Variants in FAN1 observed in about 807,000 individuals in gnomAD.
The protein encoded by FAN1 is fanconi-associated nuclease 1.
FAN1 carries 91 observed loss-of-function variants against 104.9 expected under a neutral mutation model. That is an observed-to-expected ratio of 0.87 (90% confidence interval 0.73 to 1.03). The LOEUF is 1.03. Ranked by LOEUF, FAN1 falls within the 50% of genes least tolerant of loss-of-function variation. The pLI is 0.00. For missense variants in FAN1, 1,263 were observed against 1,239.9 expected (o/e 1.02, Z -0.28); for synonymous variants, 478 against 457.6 (o/e 1.04, Z -0.57).
At chr15:30,922,477 C>T (rs2062357688) in intron 8 of FAN1, 123 bp downstream of exon 8, 2 of 1,018,024 alleles carry the variant, frequency 2.0e-6, no homozygotes, top group African/African-American at 1.6e-5. Context: ...TGTTAACATT[C>T]TTCTTTTGTC....
chr15:30,911,300 T>C (rs1024149451), intron 4 of FAN1: 26 of 985,868 alleles, frequency 2.6e-5, no homozygotes, highest in Admixed American at 6.1e-5. Flanking sequence ...ACAAAAACTT[T>C]TAGAATTGAT....
intron 11 of FAN1, 73 bp from the exon 12 acceptor site, chr15:30,929,130 G>A: frequency 7.4e-7 from 1 of 1,349,490 alleles, no homozygotes; most frequent in Non-Finnish European, 1.0e-6. Flanking sequence ...AGTTTTGTAT[G>A]TACTGACTAG....
chr15:30,917,423 T>C (rs17227884), intron 5 of FAN1, among the ~76,000 whole-genome samples: 3,716 of 152,314 alleles, frequency 0.024, 70 homozygotes, highest in Non-Finnish European at 0.037. Flanking sequence ...CAGCATATTA[T>C]AAAAGAATGA....
chr15:30,936,432 C>G (rs1008961538), intron 13 of FAN1, among the ~76,000 whole-genome samples: 3 of 152,136 alleles, frequency 2.0e-5, no homozygotes, highest in Non-Finnish European at 4.4e-5. Flanking sequence ...GAAAATGTAA[C>G]AGAGTAATCG....
At chr15:30,931,001 T>C (rs1418820134) in intron 13 of FAN1, among the ~76,000 whole-genome samples, 1 of 152,198 alleles carries the variant, frequency 6.6e-6, no homozygotes, top group Non-Finnish European at 1.5e-5. Context: ...ACAACGGGTG[T>C]GGACACCAGG....
At chr15:30,937,544 T>TAGGTTC (rs548515563) in intron 14 of FAN1, among the ~76,000 whole-genome samples, 1,506 of 147,516 alleles carry the variant, frequency 0.01, 23 homozygotes, top group Admixed American at 0.011. Context: ...CTCCGCCTGC[T>TAGGTTC]AGGTTCAAGT....
Position 30,905,333 on chromosome 15 carries a change from G to A in FAN1, c.670G>A (p.Glu224Lys), listed in dbSNP as rs1485297075. ...GTTTAAATGTGATTCTCTAAAGGAAGAGTGCATTCCTGAACATATGGTAAG... is the reference window on the plus strand; with the variant it reads ...GTTTAAATGTGATTCTCTAAAGGAAAAGTGCATTCCTGAACATATGGTAAG... Reference protein sequence around the residue: ...NVFKCDSLKEECIPEHMVRGS... With the variant: ...NVFKCDSLKEKCIPEHMVRGS... The change falls in exon 2 of 15, where the codon GAG (glutamate) becomes AAG (lysine). Residue 224 changes from glutamate (E) to lysine (K), a missense_variant. Transcript: ENST00000362065. 6.2e-7 allele frequency: 1 copy of A among 1,613,824 alleles called. No homozygotes were observed. The highest frequency in any genetic ancestry group is 8.5e-7 in the Non-Finnish European group (1 of 1,179,786).
intron 14 of FAN1, among the ~76,000 whole-genome samples, chr15:30,938,140 C>T (rs928691331): frequency 3.3e-5 from 5 of 151,546 alleles, no homozygotes; most frequent in Non-Finnish European, 4.4e-5. Flanking sequence ...GCCGAGATTG[C>T]ACCACTGCAC....
intron 4 of FAN1, among the ~76,000 whole-genome samples, chr15:30,913,516 T>TA (rs1566914969): frequency 6.6e-6 from 1 of 152,198 alleles, no homozygotes; most frequent in African/African-American, 2.4e-5. Flanking sequence ...ATCACTAGAA[T>TA]AAAAAATTGA....
chr15:30,941,981 A>C lies in FAN1; in HGVS notation c.*419A>C. On this transcript the variant is annotated 3_prime_UTR_variant, in exon 15 of 15. Coordinates refer to ENST00000362065, the MANE Select transcript of FAN1 (RefSeq NM_014967.5). ...TGGATCTGGCTTTGGTTTTAATATC[A>C]ATGAATTTCTCCTTGGAAGTAATTC... 6.2e-7 allele frequency: 1 copy of C among 1,613,884 alleles called. No individual in the cohort carries two copies. The highest frequency in any genetic ancestry group is 1.1e-5 in the South Asian group (1 of 91,078).
chr15:30,929,141 TC>T, intron 11 of FAN1, 61 bp from the exon 12 acceptor site: 2 of 1,458,486 alleles, frequency 1.4e-6, no homozygotes, highest in Non-Finnish European at 1.9e-6. Context: ...TACTGACTAG[TC>T]CTCTGGTGAA....
Position 30,905,015 on chromosome 15 carries a change from A to T in FAN1, c.352A>T (p.Lys118Ter), listed in dbSNP as rs1209365844. ...AACCCCTGGCCAAAGTGATTCAGCA[A>T]AAAGGGAAGTAAAGCAGAAGATCAG... ...NLTPGQSDSAKREVKQKISPY... is the reference protein window; with the variant it reads ...NLTPGQSDSA The change falls in exon 2 of 15, where the codon AAA becomes TAA. Residue 118 changes from lysine (K) to a stop codon, truncating the protein, a stop_gained. Coordinates refer to ENST00000362065, the MANE Select transcript of FAN1 (RefSeq NM_014967.5). LOFTEE classifies it high-confidence loss of function. The T allele has an allele frequency of 1.4e-5, 22 of 1,614,096 alleles. No homozygotes were observed. Among genetic ancestry groups the T allele is most frequent in the Non-Finnish European group, 1.9e-5 (22 of 1,180,028 alleles).
At chr15:30,909,067 G>A (rs1346141983) in intron 3 of FAN1, among the ~76,000 whole-genome samples, 1 of 152,134 alleles carries the variant, frequency 6.6e-6, no homozygotes, top group Admixed American at 6.5e-5. Context: ...ACTAAGGAGA[G>A]TCTATCTTCT....
At chr15:30,935,019 T>C (rs2062814050) in intron 13 of FAN1, among the ~76,000 whole-genome samples, 1 of 137,628 alleles carries the variant, frequency 7.3e-6, no homozygotes, top group Non-Finnish European at 1.6e-5. Flanking sequence ...AGTCTCATTC[T>C]CCTGCTTGAA....
In FAN1 at chr15:30,929,747, TATATA is replaced by T. The variant is rs1219084323; in HGVS notation, c.2787+361_2787+365del. On this transcript the variant is annotated intron_variant, in intron 12 of 14. Transcript: ENST00000362065. Reference sequence around the variant, plus strand: ...ATAAAATATATAATATATTATATCATATATAATATAATATATAAAATATATAATAT... The same window carrying T: ...ATAAAATATATAATATATTATATCATATATAATATATAAAATATATAATAT... Among the ~76,000 whole-genome samples the T allele has an allele frequency of 7.6e-4, 38 of 50,056 alleles. 1 individual carries two copies. The highest frequency in any genetic ancestry group is 1.9e-3 in the South Asian group (3 of 1,590). 32.8% of individuals were successfully genotyped at this position (50,056 alleles called of 152,430 possible).
rs544740828 is a variant in FAN1, at chr15:30,905,068, G to T, written c.405G>T (p.Val135=). ...CCTACTTTAAAAGTAATGATGTGGT[G>T]TGCAAAAATCAAGATGAGCTGAGAA... is the stretch of plus-strand genomic sequence containing the variant. ...ISPYFKSNDV[V]CKNQDELRNR... is the part of the protein sequence containing the mutation. Residue 135 remains valine (V), a synonymous_variant, in exon 2 of 15, where the codon GTG becomes GTT. Transcript: ENST00000362065. The T allele has an allele frequency of 6.2e-7, 1 of 1,614,058 alleles. No individual in the cohort carries two copies. The highest frequency in any genetic ancestry group is 1.3e-5 in the African/African-American group (1 of 75,054).
At chr15:30,909,855 G>T (rs544189981) in intron 3 of FAN1, among the ~76,000 whole-genome samples, 1 of 152,310 alleles carries the variant, frequency 6.6e-6, no homozygotes, top group Admixed American at 6.5e-5. Context: ...CCTGACTACT[G>T]TGTGAAATAC....
Position 30,925,849 on chromosome 15 carries a change from G to A in FAN1, c.2398G>A (p.Glu800Lys), listed in dbSNP as rs1361624162. Residue 800 changes from glutamate to lysine, a missense_variant, in exon 10 of 15, where the codon GAG becomes AAG. Transcript: ENST00000362065. The stretch of plus-strand genomic sequence containing the variant: ...GATGTGCAAGTCTGTGTTTGTGATG[G>A]AGGCCGGGGAGGCCGCTGACCCCAC... Reference protein sequence around the residue: ...RGMCKSVFVMEAGEAADPTTV... With the variant: ...RGMCKSVFVMKAGEAADPTTV... The A allele has an allele frequency of 1.9e-6, 3 of 1,614,088 alleles. No homozygotes were observed. The highest frequency in any genetic ancestry group is 2.7e-5 in the African/African-American group (2 of 74,960).
Position 30,941,684 on chromosome 15 carries a change from C to T in FAN1, c.*122C>T. On this transcript the variant is annotated 3_prime_UTR_variant, in exon 15 of 15. Transcript: ENST00000362065. ...CCTGCTCTGGCCCAGCTCCCCATAGCAGGCCTCCAGGGGGCCACTGCGCTG... is the reference window on the plus strand; with the variant it reads ...CCTGCTCTGGCCCAGCTCCCCATAGTAGGCCTCCAGGGGGCCACTGCGCTG... 6.2e-7 allele frequency: 1 copy of T among 1,613,650 alleles called. No individual in the cohort carries two copies. Among genetic ancestry groups the T allele is most frequent in the Non-Finnish European group, 8.5e-7 (1 of 1,179,732 alleles).
Sources: allele counts gnomAD v4.1 joint callset (sites outside exome capture counted in the v4.1 genomes callset), GRCh38; gene constraint gnomAD v4.1.1; transcripts MANE v1.5; gene names NCBI Gene and HGNC (gene_info 2026-07-23, HGNC 2026-07-21).